GRIK4: variants seen among roughly 807,000 people sequenced by gnomAD.
GRIK4 encodes the protein glutamate receptor ionotropic, kainate 4.
In GRIK4, 40 loss-of-function variants were observed where a neutral mutation model predicts 104.9. That is an observed-to-expected ratio of 0.38 (90% CI 0.30 to 0.50). GRIK4 has a LOEUF of 0.50. GRIK4 is among the 20% of genes least tolerant of loss of function. The probability of loss-of-function intolerance (pLI) is 0.93; values close to 1 mark genes in which losing one functional copy is unlikely to be tolerated. For synonymous variants in GRIK4, 485 were observed against 524.9 expected, an observed-to-expected ratio of 0.92 and a Z score of 1.04; for missense variants, 1,047 against 1,308.1, an observed-to-expected ratio of 0.80 and a Z score of 3.08.
chr11:120,532,891 G>A (rs1407541407), intron 1 of GRIK4, among the ~76,000 whole-genome samples: 2 of 152,154 alleles, frequency 1.3e-5, no homozygotes, highest in Non-Finnish European at 2.9e-5. Context: ...GATGAGCCCG[G>A]TAGGGCTGCT....
At position 120,889,588 on chromosome 11, in the gene GRIK4, C is replaced by CTT. The variant is rs776440015; in HGVS notation, c.1165-8944_1165-8943insTT. 6.1e-4 allele frequency among the ~76,000 whole-genome samples: 41 copies of CTT among 67,138 alleles called. 1 individual carries two copies. The East Asian group carries it at 9.1e-3, about 15-fold the overall frequency. 44.0% of individuals were successfully genotyped at this position (67,138 alleles called of 152,430 possible). ...AATAGAATAAAATAGAAAGAGCTTA[C>CTT]ATTTTTTTTTTTTTTTTTTTTTTTT... On this transcript the variant is annotated intron_variant, in intron 11 of 20. Transcript: ENST00000527524.
intron 1 of GRIK4, among the ~76,000 whole-genome samples, chr11:120,543,858 AGT>A (rs1948060802): frequency 6.6e-6 from 1 of 152,378 alleles, no homozygotes; most frequent in East Asian, 1.9e-4. Context: ...CCTGGAGGAC[AGT>A]GTGCTAAGTG....
Position 120,511,868 on chromosome 11 carries a change from C to T in GRIK4, c.-178C>T, listed in dbSNP as rs1010253334. The T allele has an allele frequency of 2.1e-5, 7 of 332,032 alleles. No individual in the cohort carries two copies. Among genetic ancestry groups the T allele is most frequent in the African/African-American group, 4.5e-5 (2 of 44,152 alleles). The allele number at this position is 332,032 out of a possible 1,614,324, so 20.6% of individuals were successfully genotyped here. ...AGCGCCCGGCCCCCGGCTCAGCCCC[C>T]GGAGTGCGGAGCCGACCAGGTAAGG... On this transcript the variant is annotated 5_prime_UTR_variant, in exon 1 of 21. Coordinates refer to ENST00000527524, the MANE Select transcript of GRIK4 (RefSeq NM_014619.5).
chr11:120,751,126 T>C (rs999231228), intron 3 of GRIK4, among the ~76,000 whole-genome samples: 1 of 151,960 alleles, frequency 6.6e-6, no homozygotes, highest in South Asian at 2.1e-4. Flanking sequence ...CTTTTCACCT[T>C]GGCATGGCCC....
At chr11:120,612,313 G>A (rs562179270) in intron 1 of GRIK4, among the ~76,000 whole-genome samples, 29 of 152,286 alleles carry the variant, frequency 1.9e-4, no homozygotes, top group African/African-American at 7.0e-4. Context: ...TATTTGTAGT[G>A]TGGAAGCCTG....
At chr11:120,623,344 GCTGGT>G (rs1949212895) in intron 1 of GRIK4, among the ~76,000 whole-genome samples, 1 of 151,844 alleles carries the variant, frequency 6.6e-6, no homozygotes, top group Non-Finnish European at 1.5e-5. Context: ...TGTTTGCCAG[GCTGGT>G]CTTGGCCTCC....
chr11:120,958,856 G>T (rs942598207), intron 16 of GRIK4, among the ~76,000 whole-genome samples: 1 of 152,174 alleles, frequency 6.6e-6, no homozygotes, highest in Non-Finnish European at 1.5e-5. Context: ...CAGAGTGCTG[G>T]CTTCCTCCTG....
At chr11:120,770,403 C>T (rs1392299842) in intron 3 of GRIK4, among the ~76,000 whole-genome samples, 3 of 152,198 alleles carry the variant, frequency 2.0e-5, no homozygotes, top group Non-Finnish European at 4.4e-5. Context: ...TCTAAAAACA[C>T]GTTACCTCTT....
chr11:120,973,062 G>C (rs1474384109), intron 19 of GRIK4, among the ~76,000 whole-genome samples: 1 of 152,162 alleles, frequency 6.6e-6, no homozygotes, highest in Non-Finnish European at 1.5e-5. Flanking sequence ...CCGGGAAGAA[G>C]AGGGAATGGA....
intron 3 of GRIK4, among the ~76,000 whole-genome samples, chr11:120,732,919 G>A (rs571322926): frequency 3.3e-5 from 5 of 149,402 alleles, no homozygotes; most frequent in South Asian, 4.3e-4. Flanking sequence ...AGATCTGTCC[G>A]ATGCTGAAAG....
At chr11:120,527,785 A>G (rs932528780) in intron 1 of GRIK4, among the ~76,000 whole-genome samples, 3 of 152,150 alleles carry the variant, frequency 2.0e-5, no homozygotes, top group Admixed American at 1.3e-4. Context: ...AAGGTTTCCA[A>G]TCAGGTGGGG....
chr11:120,762,951 GGGCT>G (rs1951774386), intron 3 of GRIK4, among the ~76,000 whole-genome samples: 1 of 152,102 alleles, frequency 6.6e-6, no homozygotes, highest in South Asian at 2.1e-4. Flanking sequence ...GGATGATGCT[GGGCT>G]CATAAAATGA....
chr11:120,746,343 C>A lies in GRIK4; in HGVS notation c.83-56350C>A, dbSNP rs77290249. ...CCTTTCTGAAAACTCAAGGGAGGTACAACTGTGTAAGAAGCTCAGCCCTGT... is the reference window on the plus strand; with the variant it reads ...CCTTTCTGAAAACTCAAGGGAGGTAAAACTGTGTAAGAAGCTCAGCCCTGT... On this transcript the variant is annotated intron_variant, in intron 3 of 20. Transcript: ENST00000527524. Among the ~76,000 whole-genome samples the A allele has an allele frequency of 9.6e-3, 1,464 of 152,234 alleles. 20 individuals are homozygous for A. The highest frequency in any genetic ancestry group is 0.033 in the African/African-American group (1,383 of 41,512).
intron 3 of GRIK4, among the ~76,000 whole-genome samples, chr11:120,707,369 G>A (rs532429397): frequency 6.6e-6 from 1 of 152,316 alleles, no homozygotes; most frequent in East Asian, 1.9e-4. Context: ...GTCTGAGGAA[G>A]CACCTGCCAG....
chr11:120,681,697 TA>T (rs1421993491), intron 3 of GRIK4, among the ~76,000 whole-genome samples: 4 of 152,200 alleles, frequency 2.6e-5, no homozygotes, highest in Non-Finnish European at 4.4e-5. Context: ...AGTTTCCAGC[TA>T]ACCTAAATCA....
intron 3 of GRIK4, among the ~76,000 whole-genome samples, chr11:120,798,217 G>C (rs1425453136): frequency 7.8e-6 from 1 of 127,944 alleles, no homozygotes; most frequent in Non-Finnish European, 1.6e-5. Flanking sequence ...CGCCTAGGCT[G>C]GAGTGCAGTG....
chr11:120,664,430 A>G (rs1949869718), intron 3 of GRIK4, among the ~76,000 whole-genome samples: 1 of 152,234 alleles, frequency 6.6e-6, no homozygotes, highest in Non-Finnish European at 1.5e-5. Context: ...ATAATAATCA[A>G]AATAATAACT....
intron 3 of GRIK4, among the ~76,000 whole-genome samples, chr11:120,718,709 T>A: frequency 6.6e-6 from 1 of 152,236 alleles, no homozygotes; most frequent in East Asian, 1.9e-4. Context: ...TGTCCAGGGC[T>A]GTGGGTCTGC....
intron 7 of GRIK4, among the ~76,000 whole-genome samples, chr11:120,832,730 C>T (rs1591970264): frequency 6.6e-6 from 1 of 152,182 alleles, no homozygotes; most frequent in Non-Finnish European, 1.5e-5. Context: ...AACATGCACA[C>T]TGGAAACCAG....
Sources: gnomAD v4.1 joint callset for allele counts (sites outside exome capture counted in the v4.1 genomes callset) on GRCh38, gnomAD v4.1.1 for gene constraint, MANE v1.5 for transcripts, NCBI Gene and HGNC (gene_info 2026-07-23, HGNC 2026-07-21) for gene names.